Variants in MLLT10 observed in about 807,000 individuals in gnomAD.
MLLT10 encodes the protein MLLT10 histone lysine methyltransferase DOT1L cofactor, also known as protein AF-10.
MLLT10 carries 30 observed loss-of-function variants against 129.1 expected under a neutral mutation model. The observed-to-expected ratio is 0.23, with a 90% CI of 0.17 to 0.32. The LOEUF (loss-of-function observed/expected upper bound fraction) is 0.32, where lower values mean the gene tolerates loss of function less well. Among genes scored for constraint, MLLT10 ranks in the 10% least tolerant of loss-of-function variants. The probability of loss-of-function intolerance (pLI) is 1.00; values close to 1 mark genes in which losing one functional copy is unlikely to be tolerated. For missense variants in MLLT10, 1,119 were observed against 1,268.3 expected, an observed-to-expected ratio of 0.88 and a Z score of 1.79; for synonymous variants, 490 against 446.4, an observed-to-expected ratio of 1.10 and a Z score of -1.23.
At position 21,730,969 on chromosome 10, in the gene MLLT10, A is replaced by G. The variant is rs138298777; in HGVS notation, c.2133A>G (p.Pro711=). ...PGNSSLENLP[P]VAASIEQLLE... is the part of the protein sequence containing the mutation. ...ACAGCAGTTTGGAAAATCTGCCTCCAGTAGCAGCCAGCATAGAACAGCTTT... is the reference window on the plus strand; with the variant it reads ...ACAGCAGTTTGGAAAATCTGCCTCCGGTAGCAGCCAGCATAGAACAGCTTT... The change falls in exon 17 of 23, where the codon CCA becomes CCG. Residue 711 remains proline (P), a synonymous_variant. Transcript: ENST00000307729. 116 of 1,614,094 alleles carry G rather than the reference A, an allele frequency of 7.2e-5. No homozygotes were observed. The African/African-American group carries it at 1.4e-3, about 20-fold the overall frequency.
chr10:21,665,301 T>TTTG (rs1491305314), intron 9 of MLLT10, among the ~76,000 whole-genome samples: 1 of 112,960 alleles, frequency 8.9e-6, no homozygotes, highest in African/African-American at 3.8e-5. Flanking sequence ...TTGTTTTTTT[T>TTTG]GGGGGGGGGG....
At chr10:21,735,728 G>A (rs183033126) in intron 21 of MLLT10, among the ~76,000 whole-genome samples, 5 of 152,256 alleles carry the variant, frequency 3.3e-5, no homozygotes, top group Admixed American at 1.3e-4. Context: ...AAAGCACGTT[G>A]GAGGTAAAGG....
At chr10:21,557,283 C>A in intron 3 of MLLT10, 2 of 654,616 alleles carry the variant, frequency 3.1e-6, no homozygotes, top group Non-Finnish European at 4.0e-6. Context: ...TTTGATATAA[C>A]ACTTTCATCA....
At position 21,742,289 on chromosome 10, in the gene MLLT10, A is replaced by G. The variant is rs1833778836; in HGVS notation, c.*306A>G. On this transcript the variant is annotated 3_prime_UTR_variant, in exon 23 of 23. Transcript: ENST00000307729. ...ATGTTTATCAACTCAAGAATTTAAT[A>G]TAGTTGGTACACAACTAGTTTTGTT... The G allele has an allele frequency of 3.2e-6, 1 of 314,926 alleles. No individual in the cohort carries two copies. Among genetic ancestry groups the G allele is most frequent in the Non-Finnish European group, 5.8e-6 (1 of 172,412 alleles). The allele number at this position is 314,926 out of a possible 1,614,324, so 19.5% of individuals were successfully genotyped here.
chr10:21,550,875 G>A (rs1053956333), intron 3 of MLLT10, among the ~76,000 whole-genome samples: 4 of 99,528 alleles, frequency 4.0e-5, no homozygotes, highest in African/African-American at 1.8e-4. Flanking sequence ...CACCTGGAGA[G>A]TTACCTTTAT....
chr10:21,734,113 G>C lies in MLLT10; in HGVS notation c.2842G>C (p.Ala948Pro), dbSNP rs1475673045. The C allele has an allele frequency of 6.2e-7, 1 of 1,606,644 alleles. No homozygotes were observed. The highest frequency in any genetic ancestry group is 1.1e-5 in the South Asian group (1 of 90,314). ...VPPNATHPMP[A>P]TLTNSASGLG... The stretch of plus-strand genomic sequence containing the variant: ...ACCTAATGCAACACATCCAATGCCA[G>C]CTACACTGACTAACAGGTAAGAAAC... Residue 948 changes from alanine to proline, a missense_variant, in exon 20 of 23, where the codon GCT (alanine) becomes CCT (proline). Physicochemically the swap from Ala to Pro is conservative, Grantham distance 27. Transcript: ENST00000307729.
At position 21,585,137 on chromosome 10, in the gene MLLT10, T is replaced by A. The variant is rs189351935; in HGVS notation, c.241-1157T>A. Among the ~76,000 whole-genome samples the A allele has an allele frequency of 4.5e-3, 680 of 152,098 alleles. 2 individuals carry two copies. The highest frequency in any genetic ancestry group is 6.9e-3 in the South Asian group (33 of 4,816). Reference sequence around the variant, plus strand: ...TGGGATTTTGCCGTGTCGCCCAGGCTGGTCTTGAACCCCTGGGCTCAAGCG... The same window carrying A: ...TGGGATTTTGCCGTGTCGCCCAGGCAGGTCTTGAACCCCTGGGCTCAAGCG... On this transcript the variant is annotated intron_variant, in intron 3 of 22. Coordinates refer to ENST00000307729, the MANE Select transcript of MLLT10 (RefSeq NM_001195626.3).
intron 8 of MLLT10, among the ~76,000 whole-genome samples, chr10:21,630,026 A>T (rs1389656341): frequency 2.0e-5 from 3 of 152,226 alleles, no homozygotes; most frequent in Non-Finnish European, 2.9e-5. Flanking sequence ...AGGAAAAATG[A>T]TACTATGTCT....
intron 8 of MLLT10, among the ~76,000 whole-genome samples, chr10:21,638,966 A>T (rs905021079): frequency 6.6e-6 from 1 of 152,150 alleles, no homozygotes; most frequent in Admixed American, 6.5e-5. Flanking sequence ...TCTCCTCATT[A>T]TTCAGGCAAT....
chr10:21,689,585 A>ATATG lies in MLLT10; in HGVS notation c.1699+7331_1699+7332insGTAT, dbSNP rs1390672629. ...TATATGTATATATATATATATATAT[A>ATATG]TATAGCGTGTGTGTTTTATATATAT... is the stretch of plus-strand genomic sequence containing the variant. On this transcript the variant is annotated intron_variant, in intron 13 of 22. Coordinates refer to ENST00000307729, the MANE Select transcript of MLLT10 (RefSeq NM_001195626.3). 2.3e-5 allele frequency among the ~76,000 whole-genome samples: 3 copies of ATATG among 131,996 alleles called. No individual in the cohort carries two copies. The Admixed American group carries it at 2.4e-4, about 11-fold the overall frequency. The allele number at this position is 131,996 out of a possible 152,430, so 86.6% of individuals were successfully genotyped here.
intron 3 of MLLT10, among the ~76,000 whole-genome samples, chr10:21,574,432 C>G (rs1564437229): frequency 6.6e-6 from 1 of 152,134 alleles, no homozygotes; most frequent in Non-Finnish European, 1.5e-5. Flanking sequence ...GGTCCCAATC[C>G]AGACCCCAAG....
intron 8 of MLLT10, chr10:21,626,387 A>T (rs1751722555): frequency 1.6e-6 from 1 of 625,100 alleles, no homozygotes; most frequent in Admixed American, 2.8e-5. Context: ...CAAGTCTATG[A>T]TTCTTATGTT....
rs1023982866 is a variant in MLLT10 at position 21,742,061 on chromosome 10, C to T, written c.*78C>T. The T allele has an allele frequency of 3.0e-6, 4 of 1,327,510 alleles. No homozygotes were observed. Among genetic ancestry groups the T allele is most frequent in the East Asian group, 2.3e-5 (1 of 43,246 alleles). The allele number at this position is 1,327,510 out of a possible 1,614,324, so 82.2% of individuals were successfully genotyped here. ...GGCTGCCTTTGCAGTCCTTTTACTACAGCTATGAAGAAACGCAACAAGAAA... is the reference window on the plus strand; with the variant it reads ...GGCTGCCTTTGCAGTCCTTTTACTATAGCTATGAAGAAACGCAACAAGAAA... On this transcript the variant is annotated 3_prime_UTR_variant, in exon 23 of 23. Coordinates refer to ENST00000307729, the MANE Select transcript of MLLT10 (RefSeq NM_001195626.3).
At chr10:21,571,519 C>T (rs2040203856) in intron 3 of MLLT10, among the ~76,000 whole-genome samples, 1 of 152,248 alleles carries the variant, frequency 6.6e-6, no homozygotes, top group South Asian at 2.1e-4. Flanking sequence ...TGTTTTTTGT[C>T]TTCCAGGGAT....
At chr10:21,568,394 G>A (rs746557891) in intron 3 of MLLT10, among the ~76,000 whole-genome samples, 4 of 152,178 alleles carry the variant, frequency 2.6e-5, no homozygotes, top group Non-Finnish European at 5.9e-5. Context: ...AAGTGTAAGT[G>A]TAACCTTTGA....
intron 8 of MLLT10, chr10:21,624,529 A>C: frequency 9.6e-7 from 1 of 1,043,336 alleles, no homozygotes; most frequent in Non-Finnish European, 1.3e-6. Flanking sequence ...ATTTTTTTTG[A>C]AGAATGTAGA....
intron 3 of MLLT10, among the ~76,000 whole-genome samples, chr10:21,540,895 C>T (rs1288719262): frequency 2.6e-5 from 4 of 152,116 alleles, no homozygotes; most frequent in African/African-American, 9.7e-5. Flanking sequence ...TGCTGTGGCT[C>T]GTGCTTGTAA....
intron 4 of MLLT10, among the ~76,000 whole-genome samples, chr10:21,591,854 G>C (rs2042541878): frequency 6.6e-6 from 1 of 151,784 alleles, no homozygotes; most frequent in South Asian, 2.1e-4. Context: ...CTGAGTAGCT[G>C]GGACTACAGG....
chr10:21,668,371 C>T (rs950277671), intron 9 of MLLT10, among the ~76,000 whole-genome samples: 5 of 152,038 alleles, frequency 3.3e-5, no homozygotes, highest in Non-Finnish European at 7.4e-5. Context: ...TCCCTAGTGC[C>T]ATATTGTCCC....
Sources: allele counts gnomAD v4.1 joint callset (sites outside exome capture counted in the v4.1 genomes callset), GRCh38; gene constraint gnomAD v4.1.1; transcripts MANE v1.5; gene names NCBI Gene and HGNC (gene_info 2026-07-23, HGNC 2026-07-21).